The following NUP214 variants were observed in gnomAD, a reference collection of about 807,000 sequenced individuals.
The protein encoded by NUP214 is nuclear pore complex protein Nup214.
A neutral mutation model predicts 196.2 loss-of-function variants in NUP214; 79 were observed. That is an observed-to-expected ratio of 0.40 (90% CI 0.34 to 0.49). The LOEUF (loss-of-function observed/expected upper bound fraction) is 0.49. Ranked by LOEUF, NUP214 falls within the 20% of genes least tolerant of loss-of-function variation. NUP214 has a pLI of 0.58. For synonymous variants in NUP214, 1,020 were observed against 990.5 expected (o/e 1.03, Z -0.56); for missense variants, 2,468 against 2,539.0 (o/e 0.97, Z 0.60).
chr9:131,190,095 T>A lies in NUP214; in HGVS notation c.3574+964T>A, dbSNP rs545083654. 1.7e-5 allele frequency: 4 copies of A among 229,086 alleles called. No individual in the cohort carries two copies. The South Asian group carries it at 5.4e-4, about 31-fold the overall frequency. The allele number at this position is 229,086 out of a possible 1,614,324, so 14.2% of individuals were successfully genotyped here. ...CTTGCAGAAGGAAGCCATTATTGCA[T>A]AAGCCAGAGTTGTATTCTAGAATTC... is the stretch of plus-strand genomic sequence containing the variant. On this transcript the variant is annotated intron_variant, in intron 26 of 35. Coordinates refer to ENST00000359428, the MANE Select transcript of NUP214 (RefSeq NM_005085.4).
intron 21 of NUP214, among the ~76,000 whole-genome samples, chr9:131,171,703 C>T (rs1383972371): frequency 6.6e-6 from 1 of 152,200 alleles, no homozygotes; most frequent in Non-Finnish European, 1.5e-5. Flanking sequence ...TCCCTCCCTC[C>T]TCCCCGCACC....
chr9:131,204,380 C>A (rs757884986), intron 30 of NUP214, among the ~76,000 whole-genome samples: 1 of 152,086 alleles, frequency 6.6e-6, no homozygotes, highest in Non-Finnish European at 1.5e-5. Context: ...CAGATTAGAC[C>A]CACTGAAAGG....
intron 33 of NUP214, chr9:131,229,608 G>C (rs1213827249): frequency 4.6e-6 from 2 of 438,348 alleles, no homozygotes; most frequent in Non-Finnish European, 8.8e-6. Flanking sequence ...TCCTAAAAAA[G>C]GTTAATGCCA....
At position 131,125,658 on chromosome 9, in the gene NUP214, G is replaced by A. The variant is rs780842178; in HGVS notation, c.-47G>A. 1 of 1,545,682 alleles carries A rather than the reference G, an allele frequency of 6.5e-7. No individual in the cohort carries two copies. Among genetic ancestry groups the A allele is most frequent in the Non-Finnish European group, 8.7e-7 (1 of 1,143,946 alleles). ...GAGCGGCCTGGGTTCCGTGGGCAAGGCCGTGGGAGGCAGCGTTGGCTGCTT... is the reference window on the plus strand; with the variant it reads ...GAGCGGCCTGGGTTCCGTGGGCAAGACCGTGGGAGGCAGCGTTGGCTGCTT... On this transcript the variant is annotated 5_prime_UTR_variant, in exon 1 of 36. Coordinates refer to ENST00000359428, the MANE Select transcript of NUP214 (RefSeq NM_005085.4). The surrounding 1 kb of genome is among the most constrained non-coding windows in gnomAD (Gnocchi z 4.1).
At chr9:131,231,216 G>A (rs922308926) in intron 34 of NUP214, among the ~76,000 whole-genome samples, 5 of 151,902 alleles carry the variant, frequency 3.3e-5, no homozygotes, top group African/African-American at 9.7e-5. Flanking sequence ...TTTTTGAGAC[G>A]GAGTCTCGCT....
intron 11 of NUP214, chr9:131,141,852 CT>C (rs1831926450): frequency 1.3e-5 from 2 of 152,146 alleles, no homozygotes; most frequent in Non-Finnish European, 2.9e-5. Context: ...TTTTTGAATT[CT>C]GTGAGTATAT....
Position 131,197,266 on chromosome 9 carries a change from G to C in NUP214, c.3772G>C (p.Gly1258Arg). 1 of 1,614,134 alleles carries C rather than the reference G, an allele frequency of 6.2e-7. No individual in the cohort carries two copies. Residue 1258 changes from glycine to arginine, a missense_variant, in exon 29 of 36, where the codon GGT (glycine) becomes CGT (arginine). Coordinates refer to ENST00000359428, the MANE Select transcript of NUP214 (RefSeq NM_005085.4). ...ESSQPDAFSS[G>R]GGSKPSYEAI... ...AAGCCAGCCGGACGCATTCTCATCT[G>C]GTGGGGGAAGCAAACCTTCTTATGA...
intron 24 of NUP214, among the ~76,000 whole-genome samples, chr9:131,180,828 A>G (rs1364230287): frequency 5.9e-5 from 9 of 152,214 alleles, no homozygotes; most frequent in Admixed American, 5.9e-4. Flanking sequence ...TTTGGTGTGC[A>G]TTCATTCATT....
chr9:131,154,422 GTCTA>G (rs548911986), intron 17 of NUP214, among the ~76,000 whole-genome samples: 63 of 151,982 alleles, frequency 4.1e-4, no homozygotes, highest in South Asian at 2.3e-3. Flanking sequence ...GTATCATTCT[GTCTA>G]TCTATCTGTC....
intron 30 of NUP214, among the ~76,000 whole-genome samples, chr9:131,204,946 T>G (rs1453695519): frequency 6.6e-6 from 1 of 152,180 alleles, no homozygotes; most frequent in Non-Finnish European, 1.5e-5. Flanking sequence ...CAGCAGACTT[T>G]TCAGCAATGA....
intron 28 of NUP214, chr9:131,195,553 CAT>C (rs1480337506): frequency 2.7e-6 from 1 of 372,796 alleles, no homozygotes; most frequent in African/African-American, 2.1e-5. Context: ...TAAATGTTAA[CAT>C]GTGAATTAAA....
chr9:131,230,103 G>T (rs974172264), intron 33 of NUP214: 1 of 202,594 alleles, frequency 4.9e-6, no homozygotes, highest in Non-Finnish European at 1.0e-5. Context: ...GGTGGGGCGA[G>T]CAGGGGAAGG....
chr9:131,227,337 G>A (rs961527881), intron 32 of NUP214, among the ~76,000 whole-genome samples: 2 of 152,254 alleles, frequency 1.3e-5, no homozygotes, highest in East Asian at 1.9e-4. Flanking sequence ...TGTTGGCAAC[G>A]TTGCAGAAGG....
intron 31 of NUP214, among the ~76,000 whole-genome samples, chr9:131,217,906 C>T (rs941328738): frequency 6.6e-6 from 1 of 152,194 alleles, no homozygotes; most frequent in Non-Finnish European, 1.5e-5. Context: ...GCACATCTTC[C>T]CAGTTGTTCA....
chr9:131,160,946 G>A (rs1195746293), intron 18 of NUP214, among the ~76,000 whole-genome samples: 1 of 152,208 alleles, frequency 6.6e-6, no homozygotes, highest in East Asian at 1.9e-4. Flanking sequence ...TCTGATTCAT[G>A]TTTAACCATA....
intron 28 of NUP214, 84 bp downstream of exon 28, chr9:131,195,378 A>T: frequency 9.1e-7 from 1 of 1,094,242 alleles, no homozygotes; most frequent in South Asian, 1.3e-5. Context: ...TTAGTATTTG[A>T]CTTGTTCCTG....
Position 131,232,371 on chromosome 9 carries a change from T to A in NUP214, c.6239+63T>A. 6.8e-7 allele frequency: 1 copy of A among 1,474,922 alleles called. No individual in the cohort carries two copies. The highest frequency in any genetic ancestry group is 9.5e-7 in the Non-Finnish European group (1 of 1,052,712). The allele number at this position is 1,474,922 out of a possible 1,614,324, so 91.4% of individuals were successfully genotyped here. On this transcript the variant is annotated intron_variant, in intron 35 of 35. Coordinates refer to ENST00000359428, the MANE Select transcript of NUP214 (RefSeq NM_005085.4). This position sits in a 1 kb window ranked among gnomAD's most constrained non-coding sequence, Gnocchi z 5.1. The stretch of plus-strand genomic sequence containing the variant: ...AGCATTAAATAAGGTTGGAAGTGTG[T>A]GGATCTTGCTGGATTTGTGCATTTT...
chr9:131,147,425 A>G, intron 13 of NUP214, 65 bp from the exon 14 acceptor site: 1 of 1,194,432 alleles, frequency 8.4e-7, no homozygotes, highest in Non-Finnish European at 1.2e-6. Flanking sequence ...GAGAAAGGAC[A>G]TTTGTGATAG....
intron 24 of NUP214, among the ~76,000 whole-genome samples, chr9:131,179,633 A>G (rs1305190324): frequency 6.6e-6 from 1 of 152,178 alleles, no homozygotes; most frequent in Non-Finnish European, 1.5e-5. Flanking sequence ...CACAGAGCAG[A>G]TCTGCCCACG....
Sources: gnomAD v4.1 joint callset for allele counts (sites outside exome capture counted in the v4.1 genomes callset) on GRCh38, gnomAD v4.1.1 for gene constraint, Gnocchi (gnomAD v3.1) non-coding constraint, MANE v1.5 for transcripts, NCBI Gene and HGNC (gene_info 2026-07-23, HGNC 2026-07-21) for gene names.